The following CNTN4 variants were observed in gnomAD, a reference collection of about 807,000 sequenced individuals.
CNTN4 encodes contactin-4.
In CNTN4, 77 loss-of-function variants were observed where a neutral mutation model predicts 122.5. That is an observed-to-expected ratio of 0.63 (90% CI 0.52 to 0.76). The LOEUF is 0.76. Ranked by LOEUF, CNTN4 falls within the 30% of genes least tolerant of loss-of-function variation. The pLI is 0.00. For synonymous variants in CNTN4, 512 were observed against 447.0 expected (o/e 1.15, Z -1.83); for missense variants, 1,256 against 1,259.1 (o/e 1.00, Z 0.04).
intron 23 of CNTN4, among the ~76,000 whole-genome samples, chr3:3,050,653 C>A (rs1701165271): frequency 6.7e-6 from 1 of 150,352 alleles, no homozygotes; most frequent in African/African-American, 2.5e-5. Context: ...ATGTTAGCTA[C>A]TTGGGAGGCT....
chr3:2,554,135 G>A (rs2078624875), intron 3 of CNTN4, among the ~76,000 whole-genome samples: 1 of 152,082 alleles, frequency 6.6e-6, no homozygotes, highest in Admixed American at 6.6e-5. Flanking sequence ...GGTATTTTAG[G>A]ATACCAGTAT....
intron 21 of CNTN4, 188 bp from the exon 22 acceptor site, chr3:3,042,789 A>G (rs1356395723): frequency 3.2e-6 from 2 of 625,478 alleles, no homozygotes; most frequent in East Asian, 2.7e-5. Flanking sequence ...GCTAAGGACA[A>G]AAAAGGGACC....
intron 6 of CNTN4, among the ~76,000 whole-genome samples, chr3:2,770,368 A>C (rs899882804): frequency 1.3e-5 from 2 of 152,192 alleles, no homozygotes; most frequent in Non-Finnish European, 2.9e-5. Context: ...GGAAAATGTT[A>C]GAGATTTAAA....
intron 2 of CNTN4, among the ~76,000 whole-genome samples, chr3:2,218,989 T>G (rs2038958553): frequency 6.6e-6 from 1 of 152,170 alleles, no homozygotes; most frequent in Admixed American, 6.5e-5. Context: ...TGTGAGAGGT[T>G]TCAAGAAACG....
intron 7 of CNTN4, among the ~76,000 whole-genome samples, chr3:2,863,251 T>C (rs2093688635): frequency 6.6e-6 from 1 of 152,126 alleles, no homozygotes; most frequent in Admixed American, 6.6e-5. Flanking sequence ...AATATCTTGG[T>C]GAGAGATTTC....
chr3:2,436,072 T>C (rs978566302), intron 3 of CNTN4, among the ~76,000 whole-genome samples: 6 of 152,192 alleles, frequency 3.9e-5, no homozygotes, highest in East Asian at 1.9e-4. Context: ...TTGAATTGAA[T>C]TGAATTGCTT....
chr3:2,784,149 T>C (rs2091716330), intron 6 of CNTN4, among the ~76,000 whole-genome samples: 1 of 152,204 alleles, frequency 6.6e-6, no homozygotes, highest in South Asian at 2.1e-4. Flanking sequence ...TTTTTTACTA[T>C]TCTTTCAGGA....
At chr3:2,227,891 A>G (rs1025984134) in intron 2 of CNTN4, among the ~76,000 whole-genome samples, 1 of 152,172 alleles carries the variant, frequency 6.6e-6, no homozygotes, top group Non-Finnish European at 1.5e-5. Context: ...GAAAATAAGC[A>G]ATATGTTTAA....
At chr3:3,041,496 A>G (rs575055423) in intron 20 of CNTN4, among the ~76,000 whole-genome samples, 1 of 152,236 alleles carries the variant, frequency 6.6e-6, no homozygotes, top group Non-Finnish European at 1.5e-5. Flanking sequence ...TCACACTGCA[A>G]TCTGTATGAT....
chr3:2,645,599 G>C (rs192306888), intron 4 of CNTN4, among the ~76,000 whole-genome samples: 61 of 152,168 alleles, frequency 4.0e-4, no homozygotes, highest in African/African-American at 1.4e-3. Flanking sequence ...AATTATAAAG[G>C]CCTCAAAATT....
chr3:2,502,039 C>T (rs2076607734), intron 3 of CNTN4, among the ~76,000 whole-genome samples: 1 of 152,086 alleles, frequency 6.6e-6, no homozygotes, highest in Admixed American at 6.6e-5. Context: ...TACGTGGATC[C>T]AATCTCTAAG....
intron 6 of CNTN4, among the ~76,000 whole-genome samples, chr3:2,816,551 G>A (rs761998907): frequency 2.0e-5 from 3 of 151,336 alleles, no homozygotes; most frequent in Non-Finnish European, 4.4e-5. Context: ...GGCTGGACAC[G>A]GTGACTCATG....
intron 3 of CNTN4, among the ~76,000 whole-genome samples, chr3:2,448,412 G>A (rs952178350): frequency 1.3e-5 from 2 of 152,144 alleles, no homozygotes; most frequent in Admixed American, 6.5e-5. Context: ...CACTATTCTC[G>A]ACTGTTGGAG....
At chr3:2,726,390 C>T (rs1030626195) in intron 4 of CNTN4, among the ~76,000 whole-genome samples, 1 of 152,198 alleles carries the variant, frequency 6.6e-6, no homozygotes, top group Non-Finnish European at 1.5e-5. Flanking sequence ...TCTGCTACTC[C>T]TGACCTGTGC....
chr3:2,559,084 A>G (rs1390570378), intron 3 of CNTN4, among the ~76,000 whole-genome samples: 1 of 152,180 alleles, frequency 6.6e-6, no homozygotes, highest in Non-Finnish European at 1.5e-5. Context: ...AGGCTATTAC[A>G]CTAACTAGAT....
intron 6 of CNTN4, among the ~76,000 whole-genome samples, chr3:2,805,417 A>C (rs2092443029): frequency 6.6e-6 from 1 of 152,208 alleles, no homozygotes; most frequent in South Asian, 2.1e-4. Flanking sequence ...TCTCAGGAGC[A>C]ATGTTGTGAC....
At chr3:2,203,985 A>G (rs2038225980) in intron 2 of CNTN4, among the ~76,000 whole-genome samples, 4 of 152,142 alleles carry the variant, frequency 2.6e-5, no homozygotes, top group Admixed American at 2.6e-4. Context: ...TATGAATATG[A>G]GTGGTATGAG....
intron 7 of CNTN4, chr3:2,866,281 A>G (rs34803518): frequency 0.025 from 4,165 of 167,668 alleles, 78 homozygotes; most frequent in Non-Finnish European, 0.038. Context: ...ATTGGAAAGC[A>G]TAAAGTGCTA....
At chr3:2,476,438 T>G (rs1213039474) in intron 3 of CNTN4, among the ~76,000 whole-genome samples, 1 of 152,226 alleles carries the variant, frequency 6.6e-6, no homozygotes, top group Non-Finnish European at 1.5e-5. Context: ...AATGGGGTCA[T>G]GTATGTACTA....
Sources: gnomAD v4.1 joint callset for allele counts (sites outside exome capture counted in the v4.1 genomes callset) on GRCh38, gnomAD v4.1.1 for gene constraint, MANE v1.5 for transcripts, NCBI Gene and HGNC (gene_info 2026-07-23, HGNC 2026-07-21) for gene names.